ADGRB3: variants seen among roughly 807,000 people sequenced by gnomAD.
ADGRB3 encodes the protein adhesion G protein-coupled receptor B3, also known as brain-specific angiogenesis inhibitor 3.
Under a neutral mutation model 193.4 loss-of-function variants are expected in ADGRB3, and 37 were observed. The observed-to-expected ratio is 0.19, with a 90% CI of 0.15 to 0.25. The LOEUF (loss-of-function observed/expected upper bound fraction) is 0.25, where lower values mean the gene tolerates loss of function less well. ADGRB3 is among the 10% of genes least tolerant of loss of function. ADGRB3 has a pLI of 1.00. For missense variants in ADGRB3, 1,637 were observed against 1,852.9 expected, an observed-to-expected ratio of 0.88 and a Z score of 2.14; for synonymous variants, 690 against 644.2, an observed-to-expected ratio of 1.07 and a Z score of -1.08.
At chr6:69,100,115 A>T (rs752550742) in intron 17 of ADGRB3, among the ~76,000 whole-genome samples, 2 of 152,210 alleles carry the variant, frequency 1.3e-5, no homozygotes, top group African/African-American at 2.4e-5. Context: ...GTCTCTCTTT[A>T]GATATTATTT....
At chr6:68,727,317 T>G (rs1011470133) in intron 3 of ADGRB3, among the ~76,000 whole-genome samples, 1 of 151,674 alleles carries the variant, frequency 6.6e-6, no homozygotes, top group African/African-American at 2.4e-5. Flanking sequence ...GGTAATGATA[T>G]AGTTGAAAAC....
chr6:69,137,078 A>ATTT (rs1193270145), intron 17 of ADGRB3, among the ~76,000 whole-genome samples: 2 of 121,474 alleles, frequency 1.6e-5, no homozygotes, highest in South Asian at 2.6e-4. Flanking sequence ...TTTTTTTTTA[A>ATTT]TGGTAAGATC....
chr6:68,853,564 G>A (rs1261892992), intron 3 of ADGRB3, among the ~76,000 whole-genome samples: 1 of 151,976 alleles, frequency 6.6e-6, no homozygotes, highest in African/African-American at 2.4e-5. Flanking sequence ...AACTATTTCT[G>A]TCCATATTTT....
intron 3 of ADGRB3, among the ~76,000 whole-genome samples, chr6:68,666,399 TC>T (rs935821844): frequency 6.6e-6 from 1 of 151,886 alleles, no homozygotes; most frequent in Non-Finnish European, 1.5e-5. Context: ...ATGTGACTGT[TC>T]CCATTTAGAA....
chr6:69,114,836 A>G (rs1358911508), intron 17 of ADGRB3, among the ~76,000 whole-genome samples: 1 of 152,206 alleles, frequency 6.6e-6, no homozygotes, highest in East Asian at 1.9e-4. Context: ...CAACAAACAT[A>G]TGAAAAAATG....
chr6:68,950,728 GT>G (rs1203433703), intron 6 of ADGRB3, among the ~76,000 whole-genome samples: 1 of 152,028 alleles, frequency 6.6e-6, no homozygotes, highest in African/African-American at 2.4e-5. Flanking sequence ...AGAAAACATT[GT>G]AAATTCATCC....
At position 68,969,474 on chromosome 6, in the gene ADGRB3, A is replaced by G. The variant is rs148081018; in HGVS notation, c.1526-5289A>G. Among the ~76,000 whole-genome samples, 19 of 152,342 alleles carry G rather than the reference A, an allele frequency of 1.2e-4. No individual in the cohort carries two copies. In the East Asian group the frequency reaches 3.7e-3, roughly 29 times the overall value. ...CCCTTATGAGCAGGGCCTTTGGATC[A>G]CACTAAGCACAGCTATCTTAGTTCT... is the stretch of plus-strand genomic sequence containing the variant. On this transcript the variant is annotated intron_variant, in intron 8 of 31. Transcript: ENST00000370598.
At chr6:69,090,000 A>G (rs1026799066) in intron 17 of ADGRB3, among the ~76,000 whole-genome samples, 88 of 152,346 alleles carry the variant, frequency 5.8e-4, no homozygotes, top group African/African-American at 1.9e-3. Flanking sequence ...TCTTGGAGCT[A>G]TGTAAGTACT....
intron 17 of ADGRB3, among the ~76,000 whole-genome samples, chr6:69,157,671 T>G (rs1774878129): frequency 6.6e-6 from 1 of 151,630 alleles, no homozygotes; most frequent in Admixed American, 6.6e-5. Flanking sequence ...TTAATTGCAT[T>G]TTTTGCCATT....
intron 4 of ADGRB3, 139 bp from the exon 5 acceptor site, chr6:68,936,380 G>A (rs1357806673): frequency 1.1e-6 from 1 of 937,652 alleles, no homozygotes; most frequent in Non-Finnish European, 1.6e-6. Context: ...TCTCTGAAAT[G>A]TTTTCATGTA....
At chr6:68,954,627 A>G (rs192328448) in intron 6 of ADGRB3, among the ~76,000 whole-genome samples, 101 of 151,714 alleles carry the variant, frequency 6.7e-4, no homozygotes, top group Non-Finnish European at 1.2e-3. Flanking sequence ...TCTCAATCCT[A>G]CACTAGATCT....
intron 17 of ADGRB3, among the ~76,000 whole-genome samples, chr6:69,079,733 C>T (rs192167622): frequency 1.0e-3 from 158 of 152,130 alleles, no homozygotes; most frequent in Admixed American, 1.6e-3. Context: ...TTAGATCATG[C>T]GTGGTGACTA....
chr6:69,277,937 G>T (rs1215475847), intron 20 of ADGRB3, among the ~76,000 whole-genome samples: 1 of 152,150 alleles, frequency 6.6e-6, no homozygotes, highest in African/African-American at 2.4e-5. Context: ...GAACTTAAAA[G>T]ATATTAACTA....
chr6:69,040,163 A>G (rs958264329), intron 13 of ADGRB3, among the ~76,000 whole-genome samples: 2 of 152,088 alleles, frequency 1.3e-5, no homozygotes, highest in East Asian at 3.9e-4. Context: ...TTTTGTGTAA[A>G]GTCTTAGTGA....
chr6:69,274,664 T>A (rs1352449202), intron 20 of ADGRB3, among the ~76,000 whole-genome samples: 1 of 137,708 alleles, frequency 7.3e-6, no homozygotes, highest in Non-Finnish European at 1.6e-5. Flanking sequence ...TTCTTCCCTT[T>A]CTTCCTTTCT....
chr6:69,031,519 C>CTT (rs1554248703), intron 13 of ADGRB3, among the ~76,000 whole-genome samples: 28 of 21,266 alleles, frequency 1.3e-3, no homozygotes, highest in East Asian at 0.013. Context: ...TTTGAGTTGT[C>CTT]TCTTTCTTTC....
chr6:68,692,932 T>G (rs1426984892), intron 3 of ADGRB3, among the ~76,000 whole-genome samples: 1 of 151,286 alleles, frequency 6.6e-6, no homozygotes, highest in African/African-American at 2.4e-5. Flanking sequence ...AGATACAGAT[T>G]CGTAAACATA....
intron 3 of ADGRB3, among the ~76,000 whole-genome samples, chr6:68,791,096 A>G (rs16900184): frequency 0.054 from 8,203 of 151,824 alleles, 690 homozygotes; most frequent in African/African-American, 0.19. Flanking sequence ...CAAATTACAT[A>G]CTTAAGTGAC....
chr6:68,966,075 A>T (rs1385968965), intron 8 of ADGRB3, among the ~76,000 whole-genome samples: 4 of 152,072 alleles, frequency 2.6e-5, no homozygotes, highest in African/African-American at 4.8e-5. Context: ...TCTTCCTCAC[A>T]TGTTGTAGTT....
Sources: gnomAD v4.1 joint callset for allele counts (sites outside exome capture counted in the v4.1 genomes callset) on GRCh38, gnomAD v4.1.1 for gene constraint, MANE v1.5 for transcripts, NCBI Gene and HGNC (gene_info 2026-07-23, HGNC 2026-07-21) for gene names.